The following HS6ST3 variants were observed in gnomAD, a reference collection of about 807,000 sequenced individuals.
HS6ST3 encodes the protein heparan-sulfate 6-O-sulfotransferase 3.
HS6ST3 carries 12 observed loss-of-function variants against 36.7 expected under a neutral mutation model. The ratio of observed to expected loss-of-function variants is 0.33; its 90% confidence interval spans 0.21 to 0.53. The LOEUF is 0.53. HS6ST3 is among the 20% of genes least tolerant of loss of function. The probability of loss-of-function intolerance (pLI) is 0.95; values close to 1 mark genes in which losing one functional copy is unlikely to be tolerated. For synonymous variants in HS6ST3, 240 were observed against 257.5 expected, an observed-to-expected ratio of 0.93 and a Z score of 0.65; for missense variants, 584 against 640.9, an observed-to-expected ratio of 0.91 and a Z score of 0.96.
chr13:96,240,673 G>C (rs2054555683), intron 1 of HS6ST3, among the ~76,000 whole-genome samples: 1 of 152,136 alleles, frequency 6.6e-6, no homozygotes, highest in Non-Finnish European at 1.5e-5. Flanking sequence ...GGGTCCAGGA[G>C]ATGAACTAAG....
chr13:96,171,618 C>T (rs1336088568), intron 1 of HS6ST3, among the ~76,000 whole-genome samples: 1 of 152,174 alleles, frequency 6.6e-6, no homozygotes, highest in East Asian at 1.9e-4. Flanking sequence ...TTCTCTAACT[C>T]CTGTGGCAGA....
At chr13:96,654,428 G>A (rs2056617773) in intron 1 of HS6ST3, among the ~76,000 whole-genome samples, 1 of 151,576 alleles carries the variant, frequency 6.6e-6, no homozygotes, top group South Asian at 2.1e-4. Flanking sequence ...TCTGCATATG[G>A]CTATCCAGTT....
chr13:96,772,945 C>T (rs148128088), intron 1 of HS6ST3, among the ~76,000 whole-genome samples: 39 of 152,254 alleles, frequency 2.6e-4, no homozygotes, highest in African/African-American at 9.1e-4. Flanking sequence ...TGGGTGATTT[C>T]TGCATTTCCC....
chr13:96,799,695 T>C, intron 1 of HS6ST3, among the ~76,000 whole-genome samples: 1 of 150,140 alleles, frequency 6.7e-6, no homozygotes, highest in Non-Finnish European at 1.5e-5. Flanking sequence ...GATGAGTTAG[T>C]GGGTGCAGCG....
chr13:96,321,167 G>A (rs1170950224), intron 1 of HS6ST3, among the ~76,000 whole-genome samples: 1 of 150,822 alleles, frequency 6.6e-6, no homozygotes, highest in South Asian at 2.1e-4. Context: ...CAGCTTATAC[G>A]AAGACAATAG....
At chr13:96,505,153 TC>T (rs2056021246) in intron 1 of HS6ST3, among the ~76,000 whole-genome samples, 3 of 152,184 alleles carry the variant, frequency 2.0e-5, no homozygotes, top group Admixed American at 1.3e-4. Context: ...ACAAATTTAT[TC>T]CTTTGTAATT....
At chr13:96,292,890 T>C (rs2054837063) in intron 1 of HS6ST3, among the ~76,000 whole-genome samples, 1 of 152,144 alleles carries the variant, frequency 6.6e-6, no homozygotes. Context: ...CAAAATGTGC[T>C]GAACATGAAT....
At chr13:96,288,757 A>G (rs7328325) in intron 1 of HS6ST3, among the ~76,000 whole-genome samples, 7,945 of 152,168 alleles carry the variant, frequency 0.052, 288 homozygotes, top group East Asian at 0.16. Context: ...GGATAGAGAA[A>G]AAGATGCCTT....
chr13:96,567,804 C>T (rs2056287008), intron 1 of HS6ST3, among the ~76,000 whole-genome samples: 1 of 152,068 alleles, frequency 6.6e-6, no homozygotes, highest in Non-Finnish European at 1.5e-5. Flanking sequence ...GAAAAATGAG[C>T]AACCAGAACA....
chr13:96,102,527 C>A (rs1394327677), intron 1 of HS6ST3, among the ~76,000 whole-genome samples: 2 of 152,106 alleles, frequency 1.3e-5, no homozygotes, highest in Non-Finnish European at 2.9e-5. Context: ...ATAGACCATT[C>A]TTTGTCTTTT....
chr13:96,532,006 C>T lies in HS6ST3; in HGVS notation c.708-300484C>T, dbSNP rs147135430. Among the ~76,000 whole-genome samples the T allele has an allele frequency of 3.0e-3, 458 of 152,246 alleles. 4 individuals are homozygous for T. Among genetic ancestry groups the T allele is most frequent in the African/African-American group, 0.01 (422 of 41,542 alleles). On this transcript the variant is annotated intron_variant, in intron 1 of 1. Coordinates refer to ENST00000376705, the MANE Select transcript of HS6ST3 (RefSeq NM_153456.4). The stretch of plus-strand genomic sequence containing the variant: ...ATAGAACATACCTACCTCCCAAAGC[C>T]GATGTGTTAGACAAGTAACAGCAGG...
At chr13:96,747,614 T>A (rs141994268) in intron 1 of HS6ST3, among the ~76,000 whole-genome samples, 656 of 152,222 alleles carry the variant, frequency 4.3e-3, no homozygotes, top group Admixed American at 9.8e-3. Flanking sequence ...TTATATCCCA[T>A]TATATTATGC....
At chr13:96,410,384 A>T (rs1468188446) in intron 1 of HS6ST3, among the ~76,000 whole-genome samples, 2 of 152,204 alleles carry the variant, frequency 1.3e-5, no homozygotes, top group African/African-American at 4.8e-5. Flanking sequence ...ATTGACAACA[A>T]GCATGTATAG....
chr13:96,655,500 A>G (rs558288552), intron 1 of HS6ST3, among the ~76,000 whole-genome samples: 2 of 152,118 alleles, frequency 1.3e-5, no homozygotes, highest in Middle Eastern at 3.2e-3. Context: ...AAGTCTTTTC[A>G]TTTGTATCTA....
intron 1 of HS6ST3, among the ~76,000 whole-genome samples, chr13:96,411,812 G>C (rs143815495): frequency 3.3e-5 from 5 of 152,206 alleles, no homozygotes; most frequent in African/African-American, 1.2e-4. Flanking sequence ...AAGGGAGGTA[G>C]GAACAACAGA....
intron 1 of HS6ST3, among the ~76,000 whole-genome samples, chr13:96,740,951 G>A (rs1215734850): frequency 6.6e-6 from 1 of 152,178 alleles, no homozygotes; most frequent in Non-Finnish European, 1.5e-5. Flanking sequence ...GCACGTAACT[G>A]TGGGAAGTTA....
intron 1 of HS6ST3, among the ~76,000 whole-genome samples, chr13:96,754,871 A>G (rs1876785063): frequency 6.6e-6 from 1 of 152,136 alleles, no homozygotes; most frequent in African/African-American, 2.4e-5. Context: ...ATTACATATT[A>G]CATTATAGGT....
At chr13:96,317,377 T>TGGA (rs1449034695) in intron 1 of HS6ST3, among the ~76,000 whole-genome samples, 3 of 3,790 alleles carry the variant, frequency 7.9e-4, no homozygotes, top group Non-Finnish European at 1.7e-3. Context: ...TAAAATTATA[T>TGGA]ATATATATAT....
intron 1 of HS6ST3, among the ~76,000 whole-genome samples, chr13:96,432,273 T>A (rs2055619488): frequency 6.6e-6 from 1 of 152,206 alleles, no homozygotes; most frequent in Non-Finnish European, 1.5e-5. Context: ...ATTACCTCAG[T>A]GGTACAGATT....
Sources: allele counts gnomAD v4.1 joint callset (sites outside exome capture counted in the v4.1 genomes callset), GRCh38; gene constraint gnomAD v4.1.1; transcripts MANE v1.5; gene names NCBI Gene and HGNC (gene_info 2026-07-23, HGNC 2026-07-21).